Variants in KIFAP3 observed in about 807,000 individuals in gnomAD.
KIFAP3 encodes the protein kinesin-associated protein 3.
KIFAP3 carries 68 observed loss-of-function variants against 106.5 expected under a neutral mutation model. The observed-to-expected ratio is 0.64, with a 90% CI of 0.53 to 0.78. The LOEUF (loss-of-function observed/expected upper bound fraction) is 0.78. KIFAP3 is among the 30% of genes least tolerant of loss of function. The pLI is 0.00. For missense variants in KIFAP3, 780 were observed against 941.8 expected (o/e 0.83, Z 2.25); for synonymous variants, 320 against 311.5 (o/e 1.03, Z -0.29).
At chr1:170,069,148 A>ACC (rs1671584205) in intron 1 of KIFAP3, among the ~76,000 whole-genome samples, 1 of 152,130 alleles carries the variant, frequency 6.6e-6, no homozygotes, top group Non-Finnish European at 1.5e-5. Context: ...AGAAACACAC[A>ACC]AACTACCAAA....
chr1:169,939,973 G>A lies in KIFAP3; in HGVS notation c.2273+14038C>T, dbSNP rs561249656. On this transcript the variant is annotated intron_variant, in intron 19 of 19. Coordinates refer to ENST00000361580, the MANE Select transcript of KIFAP3 (RefSeq NM_014970.4). ...AAACAGGAAGCAGTTGGAATATGATGTGGGGCCAAAGAGTTTAACTTTGCA... is the reference window on the plus strand; with the variant it reads ...AAACAGGAAGCAGTTGGAATATGATATGGGGCCAAAGAGTTTAACTTTGCA... 3.3e-5 allele frequency among the ~76,000 whole-genome samples: 5 copies of A among 152,328 alleles called. No homozygotes were observed. In the South Asian group the frequency reaches 1.0e-3, roughly 32 times the overall value.
At chr1:170,061,426 T>C (rs1671147162) in intron 1 of KIFAP3, among the ~76,000 whole-genome samples, 1 of 152,228 alleles carries the variant, frequency 6.6e-6, no homozygotes, top group Admixed American at 6.5e-5. Flanking sequence ...TCATCATCAC[T>C]GGCCATTAGA....
chr1:170,031,104 T>G (rs1669383824), intron 8 of KIFAP3, among the ~76,000 whole-genome samples: 1 of 151,918 alleles, frequency 6.6e-6, no homozygotes, highest in Admixed American at 6.6e-5. Flanking sequence ...TGAGATCTGA[T>G]GCATTTTGGA....
chr1:170,074,831 T>A, upstream of KIFAP3: 2 of 996,210 alleles, frequency 2.0e-6, no homozygotes, highest in South Asian at 2.7e-5. Context: ...AGCGTCCGTG[T>A]ATAAGGAGTG....
rs1425644654 is a variant in KIFAP3 at position 170,021,948 on chromosome 1, T to C, written c.1020+2470A>G. On this transcript the variant is annotated intron_variant, in intron 9 of 19. Coordinates refer to ENST00000361580, the MANE Select transcript of KIFAP3 (RefSeq NM_014970.4). The stretch of plus-strand genomic sequence containing the variant: ...TATTTCTTTCTTTTCTTTCTTTTTT[T>C]TTTTTTTTTTTTTTTTTTTGAGACA... Among the ~76,000 whole-genome samples, 3 of 126,998 alleles carry C rather than the reference T, an allele frequency of 2.4e-5. No homozygotes were observed. In the East Asian group the frequency reaches 6.7e-4, roughly 28 times the overall value. 83.3% of individuals were successfully genotyped at this position (126,998 alleles called of 152,430 possible). A position where few individuals can be genotyped will look rare whatever the true frequency, so the allele number is the denominator to read the frequency against.
intron 9 of KIFAP3, among the ~76,000 whole-genome samples, chr1:170,023,651 T>C (rs1293870792): frequency 5.9e-5 from 9 of 152,100 alleles, no homozygotes; most frequent in Admixed American, 5.9e-4. Flanking sequence ...ATATGATATA[T>C]TGACTACATT....
In KIFAP3 at chr1:170,062,258, C is replaced by CA. The variant is rs77586019; in HGVS notation, c.33-6823dup. ...AAAGAAAATGTGTCAGGTTAAAGGGCAAAAAAAAAAACCCACCACCCCCAA... is the reference window on the plus strand; with the variant it reads ...AAAGAAAATGTGTCAGGTTAAAGGGCAAAAAAAAAAAACCCACCACCCCCAA... On this transcript the variant is annotated intron_variant, in intron 1 of 19. Coordinates refer to ENST00000361580, the MANE Select transcript of KIFAP3 (RefSeq NM_014970.4). 7.2e-3 allele frequency among the ~76,000 whole-genome samples: 971 copies of CA among 134,322 alleles called. 6 individuals are homozygous for CA. The highest frequency in any genetic ancestry group is 0.024 in the African/African-American group (868 of 36,790). The allele number at this position is 134,322 out of a possible 152,430, so 88.1% of individuals were successfully genotyped here.
intron 16 of KIFAP3, among the ~76,000 whole-genome samples, chr1:169,977,216 C>A (rs1014517898): frequency 6.6e-6 from 1 of 152,088 alleles, no homozygotes; most frequent in Non-Finnish European, 1.5e-5. Context: ...AAAGAGTTAG[C>A]AGATATCAAA....
intron 14 of KIFAP3, among the ~76,000 whole-genome samples, chr1:169,982,426 T>C (rs1666572253): frequency 6.6e-6 from 1 of 152,026 alleles, no homozygotes. Context: ...GGATGGTATT[T>C]GGTAATTTTA....
intron 10 of KIFAP3, among the ~76,000 whole-genome samples, chr1:170,002,139 C>T (rs1357915332): frequency 3.3e-5 from 5 of 152,082 alleles, no homozygotes; most frequent in Admixed American, 1.3e-4. Flanking sequence ...TTGTCTAAAC[C>T]GGAAGAAATC....
intron 1 of KIFAP3, among the ~76,000 whole-genome samples, chr1:170,056,207 C>G (rs1670847364): frequency 6.6e-6 from 1 of 152,034 alleles, no homozygotes; most frequent in African/African-American, 2.4e-5. Flanking sequence ...CATGTATCAT[C>G]TAACATAATG....
chr1:169,952,176 A>G (rs988223327), intron 19 of KIFAP3, among the ~76,000 whole-genome samples: 1 of 151,940 alleles, frequency 6.6e-6, no homozygotes, highest in Admixed American at 6.5e-5. Flanking sequence ...AGATGAAACA[A>G]TTTTTAAAGG....
intron 1 of KIFAP3, among the ~76,000 whole-genome samples, chr1:170,065,601 A>G (rs377155703): frequency 1.1e-4 from 15 of 137,010 alleles, no homozygotes; most frequent in African/African-American, 2.3e-4. Flanking sequence ...GCGACAGAGC[A>G]AGACTCCACC....
intron 10 of KIFAP3, 115 bp from the exon 11 acceptor site, chr1:169,992,370 C>T (rs1414286245): frequency 2.2e-6 from 1 of 455,962 alleles, no homozygotes; most frequent in Non-Finnish European, 3.7e-6. Flanking sequence ...TAAACTTAAT[C>T]TGAAAAATAT....
chr1:170,043,692 A>C (rs1297130938), intron 3 of KIFAP3, among the ~76,000 whole-genome samples: 1 of 152,224 alleles, frequency 6.6e-6, no homozygotes, highest in Non-Finnish European at 1.5e-5. Flanking sequence ...AGTTATCAAG[A>C]AATATAATGA....
intron 18 of KIFAP3, among the ~76,000 whole-genome samples, chr1:169,957,624 T>G (rs1330488816): frequency 6.6e-6 from 1 of 152,186 alleles, no homozygotes; most frequent in African/African-American, 2.4e-5. Context: ...CAGTTCTTTT[T>G]TTTTTAACTC....
intron 19 of KIFAP3, among the ~76,000 whole-genome samples, chr1:169,950,452 A>C (rs1664669363): frequency 6.6e-6 from 1 of 152,114 alleles, no homozygotes; most frequent in African/African-American, 2.4e-5. Flanking sequence ...TATGAAGAAG[A>C]AGCAGGGAAA....
rs1361338751 is a variant in KIFAP3 at position 169,973,124 on chromosome 1, A to ATATATAG, written c.1898-527_1898-526insCTATATA. Among the ~76,000 whole-genome samples the ATATATAG allele has an allele frequency of 1.8e-4, 9 of 48,732 alleles. No individual in the cohort carries two copies. In the South Asian group the frequency reaches 2.3e-3, roughly 12 times the overall value. 32.0% of individuals were successfully genotyped at this position (48,732 alleles called of 152,430 possible). A position where few individuals can be genotyped will look rare whatever the true frequency, so the allele number is the denominator to read the frequency against. On this transcript the variant is annotated intron_variant, in intron 16 of 19. Coordinates refer to ENST00000361580, the MANE Select transcript of KIFAP3 (RefSeq NM_014970.4). ...TAGTGTGTATATATATATATATATA[A>ATATATAG]ACAACACAAATCAGGATTAGAAAAC...
At chr1:169,989,233 C>T (rs1666983201) in intron 11 of KIFAP3, among the ~76,000 whole-genome samples, 1 of 151,930 alleles carries the variant, frequency 6.6e-6, no homozygotes. Flanking sequence ...TAAAATTTTA[C>T]ATTTTATATT....
Sources: gnomAD v4.1 joint callset for allele counts (sites outside exome capture counted in the v4.1 genomes callset) on GRCh38, gnomAD v4.1.1 for gene constraint, MANE v1.5 for transcripts, NCBI Gene and HGNC (gene_info 2026-07-23, HGNC 2026-07-21) for gene names.